The following STIL variants were observed in gnomAD, a reference collection of about 807,000 sequenced individuals.
STIL encodes STIL centriolar assembly protein.
In STIL, 55 loss-of-function variants were observed where a neutral mutation model predicts 110.1. The ratio of observed to expected loss-of-function variants is 0.50; its 90% CI spans 0.40 to 0.63. STIL has a LOEUF of 0.63. STIL is among the 20% of genes least tolerant of loss of function. The probability of loss-of-function intolerance (pLI) is 0.00; values close to 1 mark genes in which losing one functional copy is unlikely to be tolerated. For synonymous variants in STIL, 481 were observed against 530.0 expected (o/e 0.91, Z 1.27); for missense variants, 1,358 against 1,530.0 (o/e 0.89, Z 1.87).
chr1:47,260,067 C>A (rs977002467), intron 16 of STIL, among the ~76,000 whole-genome samples: 1 of 152,120 alleles, frequency 6.6e-6, no homozygotes, highest in Admixed American at 6.5e-5. Flanking sequence ...ATGTATGTAA[C>A]CCTCTCTCCC....
rs1322571021 is a variant in STIL at position 47,311,284 on chromosome 1, T to G, written c.-43-922A>C. 3.4e-5 allele frequency among the ~76,000 whole-genome samples: 4 copies of G among 118,782 alleles called. No individual in the cohort carries two copies. The East Asian group carries it at 8.8e-4, about 26-fold the overall frequency. The allele number at this position is 118,782 out of a possible 152,430, so 77.9% of individuals were successfully genotyped here. A position where few individuals can be genotyped will look rare whatever the true frequency, so the allele number is the denominator to read the frequency against. On this transcript the variant is annotated intron_variant, in intron 1 of 16. Transcript: ENST00000371877. ...AAATCCATTTTCTTTTCTTTTTTTC[T>G]TTTTTTTTTTTTTTTGAAACAGGGT...
chr1:47,265,966 C>T (rs574874077), intron 14 of STIL, among the ~76,000 whole-genome samples: 145 of 152,078 alleles, frequency 9.5e-4, no homozygotes, highest in African/African-American at 3.4e-3. Context: ...CAGGGTTTCG[C>T]CATGTTACCC....
intron 7 of STIL, 41 bp from the exon 8 acceptor site, chr1:47,293,585 C>CATA: frequency 6.9e-7 from 1 of 1,453,512 alleles, no homozygotes; most frequent in Middle Eastern, 1.9e-4. Flanking sequence ...TAGTCACTTA[C>CATA]ATATATAGCA....
In STIL at chr1:47,269,755, T is replaced by C; in HGVS notation, c.2495A>G (p.Asn832Ser). ...ACCTGGAAGACTTGTGACTTCATTATTAATATCGACAGAAAAATTCATGTC... is the reference window on the plus strand; with the variant it reads ...ACCTGGAAGACTTGTGACTTCATTACTAATATCGACAGAAAAATTCATGTC... The part of the protein sequence containing the change: ...SEDMNFSVDI[N>S]NEVTSLPGSA... Residue 832 changes from asparagine to serine, a missense_variant, in exon 14 of 17, where the codon AAT (asparagine) becomes AGT (serine). Transcript: ENST00000371877. 1 of 1,614,198 alleles carries C rather than the reference T, an allele frequency of 6.2e-7. No individual in the cohort carries two copies. Among genetic ancestry groups the C allele is most frequent in the Non-Finnish European group, 8.5e-7 (1 of 1,180,020 alleles).
At position 47,300,019 on chromosome 1, in the gene STIL, G is replaced by C; in HGVS notation, c.587C>G (p.Ala196Gly). The change falls in exon 6 of 17, where the codon GCA (alanine) becomes GGA (glycine). Residue 196 changes from alanine (A) to glycine (G), a missense_variant. Transcript: ENST00000371877. ...CACAGGTGTGCATTTAAAGTTATTT[G>C]CTAGAGTTACTGCTGCCCAATGCAA... is the stretch of plus-strand genomic sequence containing the variant. ...FDLHWAAVTL[A>G]NNFKCTPVKP... is the part of the protein sequence containing the mutation. 6.2e-7 allele frequency: 1 copy of C among 1,614,110 alleles called. No individual in the cohort carries two copies. The highest frequency in any genetic ancestry group is 1.1e-5 in the South Asian group (1 of 91,084).
intron 7 of STIL, 81 bp from the exon 8 acceptor site, chr1:47,293,625 T>A: frequency 1.7e-6 from 2 of 1,159,304 alleles, no homozygotes; most frequent in African/African-American, 1.5e-5. Flanking sequence ...GATAACAAAG[T>A]AGACGTATGG....
rs192733555 is a variant in STIL at position 47,271,819 on chromosome 1, A to C, written c.2383+257T>G. 5.4e-3 allele frequency among the ~76,000 whole-genome samples: 821 copies of C among 151,892 alleles called. 8 individuals carry two copies. Among genetic ancestry groups the C allele is most frequent in the African/African-American group, 0.019 (776 of 41,442 alleles). ...GCGAGACTCCATTTCAAAAAAAAAAACAAAAAACAAAAAAAAAACCAGAAT... is the reference window on the plus strand; with the variant it reads ...GCGAGACTCCATTTCAAAAAAAAAACCAAAAAACAAAAAAAAAACCAGAAT... On this transcript the variant is annotated intron_variant, in intron 13 of 16. Transcript: ENST00000371877.
At chr1:47,292,545 ATGTATATTAAATC>A (rs1263647519) in intron 8 of STIL, among the ~76,000 whole-genome samples, 1 of 152,238 alleles carries the variant, frequency 6.6e-6, no homozygotes, top group African/African-American at 2.4e-5. Flanking sequence ...GTTGTAAAAT[ATGTATATTAAATC>A]TGTATATGCC....
At position 47,277,987 on chromosome 1, in the gene STIL, C is replaced by T. The variant is rs116115511; in HGVS notation, c.2217+2254G>A. Among the ~76,000 whole-genome samples, 1,020 of 152,136 alleles carry T rather than the reference C, an allele frequency of 6.7e-3. 11 individuals carry two copies. The highest frequency in any genetic ancestry group is 0.023 in the African/African-American group (937 of 41,486). ...AGTACCCACAAACTAGATCAGAATC[C>T]AAGGAGTCTGGTACCACAGCCCACT... On this transcript the variant is annotated intron_variant, in intron 12 of 16. Transcript: ENST00000371877.
rs1219181725 is a variant in STIL, at chr1:47,251,020, C to T, written c.*116G>A. ...AGAAGTCACTCTTCCCAATTGGCTGCTACCAAGAAACAGTGACTCCAGAAT... is the reference window on the plus strand; with the variant it reads ...AGAAGTCACTCTTCCCAATTGGCTGTTACCAAGAAACAGTGACTCCAGAAT... On this transcript the variant is annotated 3_prime_UTR_variant, in exon 17 of 17. Coordinates refer to ENST00000371877, the MANE Select transcript of STIL (RefSeq NM_001048166.1). 3.0e-6 allele frequency: 3 copies of T among 1,014,946 alleles called. No homozygotes were observed. The highest frequency in any genetic ancestry group is 4.3e-6 in the Non-Finnish European group (3 of 702,940). The allele number at this position is 1,014,946 out of a possible 1,614,324, so 62.9% of individuals were successfully genotyped here.
chr1:47,272,379 C>T (rs1570109231), intron 12 of STIL, 138 bp from the exon 13 acceptor site: 1 of 833,498 alleles, frequency 1.2e-6, no homozygotes. Context: ...TCAACTAGAC[C>T]ATACCATGAA....
At chr1:47,268,780 TAAATA>T (rs869263963) in intron 14 of STIL, among the ~76,000 whole-genome samples, 1 of 150,654 alleles carries the variant, frequency 6.6e-6, no homozygotes, top group African/African-American at 2.4e-5. Context: ...AATAAATAAA[TAAATA>T]AATAAATTAA....
At chr1:47,252,023 T>G in intron 16 of STIL, 101 bp from the exon 17 acceptor site, 1 of 1,253,882 alleles carries the variant, frequency 8.0e-7, no homozygotes, top group Non-Finnish European at 1.1e-6. Context: ...ATCTTCAGCT[T>G]TAAGTTCATG....
chr1:47,285,550 T>A (rs2149025727), intron 10 of STIL, among the ~76,000 whole-genome samples: 1 of 152,258 alleles, frequency 6.6e-6, no homozygotes, highest in Non-Finnish European at 1.5e-5. Flanking sequence ...CTGTGCCTCT[T>A]GGGTTCAAGT....
intron 13 of STIL, among the ~76,000 whole-genome samples, chr1:47,271,826 A>C (rs1200159466): frequency 6.6e-6 from 1 of 151,706 alleles, no homozygotes; most frequent in Non-Finnish European, 1.5e-5. Context: ...AAAACAAAAA[A>C]CAAAAAAAAA....
chr1:47,282,288 A>G (rs971947212), intron 11 of STIL, 57 bp downstream of exon 11: 2 of 1,066,988 alleles, frequency 1.9e-6, no homozygotes, highest in Non-Finnish European at 2.9e-6. Context: ...TGTTTTAACC[A>G]TGAAGAGACT....
At chr1:47,260,159 G>GT in intron 16 of STIL, 130 bp downstream of exon 16, 1 of 914,700 alleles carries the variant, frequency 1.1e-6, no homozygotes, top group Non-Finnish European at 1.6e-6. Flanking sequence ...AGGCACAAAC[G>GT]TAACTTTTCT....
intron 6 of STIL, among the ~76,000 whole-genome samples, chr1:47,297,100 T>C (rs1645661800): frequency 2.0e-5 from 3 of 152,044 alleles, no homozygotes; most frequent in Non-Finnish European, 4.4e-5. Flanking sequence ...TTCCAACACT[T>C]TGGAAGGCTG....
At chr1:47,255,235 C>T (rs1644295952) in intron 16 of STIL, among the ~76,000 whole-genome samples, 1 of 152,122 alleles carries the variant, frequency 6.6e-6, no homozygotes, top group Non-Finnish European at 1.5e-5. Context: ...AAAGCCTGAG[C>T]ACAAATATAT....
Sources: gnomAD v4.1 joint callset for allele counts (sites outside exome capture counted in the v4.1 genomes callset) on GRCh38, gnomAD v4.1.1 for gene constraint, MANE v1.5 for transcripts, NCBI Gene and HGNC (gene_info 2026-07-23, HGNC 2026-07-21) for gene names.